Variants in MAGED1 observed in about 807,000 individuals in gnomAD.
The protein encoded by MAGED1 is MAGE family member D1.
A neutral mutation model predicts 54.1 loss-of-function variants in MAGED1; 3 were observed. The observed-to-expected ratio is 0.06, with a 90% CI of 0.03 to 0.14. MAGED1 has a LOEUF of 0.14. Ranked by LOEUF, MAGED1 falls within the 10% of genes least tolerant of loss-of-function variation. The pLI is 1.00. For synonymous variants in MAGED1, 217 were observed against 227.3 expected (o/e 0.95, Z 0.41); for missense variants, 485 against 623.4 (o/e 0.78, Z 2.36).
intron 1 of MAGED1, among the ~76,000 whole-genome samples, chrX:51,862,447 T>C (rs975064434): frequency 2.7e-5 from 3 of 111,671 alleles, no homozygotes; most frequent in African/African-American, 9.7e-5. Context: ...AGTACTTTAG[T>C]GCCCTATCCA....
intron 1 of MAGED1, among the ~76,000 whole-genome samples, chrX:51,871,886 C>T (rs1275990697): frequency 9.0e-6 from 1 of 111,720 alleles, no homozygotes; most frequent in Non-Finnish European, 1.9e-5. Context: ...TTTCCAGTGC[C>T]ACCAACAGTG....
At chrX:51,820,172 T>C (rs1416298372) in intron 1 of MAGED1, among the ~76,000 whole-genome samples, 3 of 112,042 alleles carry the variant, frequency 2.7e-5, no homozygotes, top group Non-Finnish European at 5.6e-5. Flanking sequence ...TCTTAGTAAC[T>C]GAAGCCTTGT....
intron 1 of MAGED1, among the ~76,000 whole-genome samples, chrX:51,877,597 A>C (rs1389402206): frequency 9.0e-6 from 1 of 111,701 alleles, no homozygotes; most frequent in Non-Finnish European, 1.9e-5. Context: ...TAATCTAGTG[A>C]ACAAAAATAA....
intron 1 of MAGED1, among the ~76,000 whole-genome samples, chrX:51,813,185 G>C: frequency 9.2e-6 from 1 of 108,541 alleles, no homozygotes; most frequent in Non-Finnish European, 1.9e-5. Context: ...CACCATGCCT[G>C]GCTAATTTTG....
intron 1 of MAGED1, among the ~76,000 whole-genome samples, chrX:51,839,612 A>C (rs1436884130): frequency 8.9e-6 from 1 of 112,116 alleles, no homozygotes; most frequent in Admixed American, 9.5e-5. Context: ...TTTTTCTATA[A>C]TCTTAATAAA....
chrX:51,885,504 G>A (rs782642126), intron 1 of MAGED1, among the ~76,000 whole-genome samples: 1 of 111,311 alleles, frequency 9.0e-6, no homozygotes, highest in East Asian at 2.8e-4. Flanking sequence ...CTTGTCAGTT[G>A]AATAGTTTGC....
chrX:51,894,618 T>C, intron 2 of MAGED1: 1 of 1,190,053 alleles, frequency 8.4e-7, no homozygotes, highest in Admixed American at 2.4e-5. Flanking sequence ...CATTTTTTTT[T>C]TTTTCCAGAA....
intron 1 of MAGED1, among the ~76,000 whole-genome samples, chrX:51,869,732 G>A (rs1479247004): frequency 9.1e-6 from 1 of 110,437 alleles, no homozygotes; most frequent in African/African-American, 3.3e-5. Context: ...TTAGACCGGT[G>A]TGGTGGCGGG....
At chrX:51,822,927 T>C (rs782438966) in intron 1 of MAGED1, among the ~76,000 whole-genome samples, 7 of 110,333 alleles carry the variant, frequency 6.3e-5, no homozygotes, top group Non-Finnish European at 1.3e-4. Context: ...CTTTGGCTTA[T>C]TTAGAGGTGT....
At chrX:51,824,485 G>A (rs1384710884) in intron 1 of MAGED1, among the ~76,000 whole-genome samples, 4 of 110,132 alleles carry the variant, frequency 3.6e-5, no homozygotes, top group African/African-American at 1.3e-4. Flanking sequence ...TTATTATGAT[G>A]TGCCTATGTG....
intron 2 of MAGED1, 86 bp downstream of exon 2, chrX:51,894,435 A>G: frequency 1.0e-6 from 1 of 963,168 alleles, no homozygotes; most frequent in African/African-American, 1.9e-5. Flanking sequence ...AAACGCCGGG[A>G]TCCGGTTTGA....
At chrX:51,830,805 A>G (rs1457067556) in intron 1 of MAGED1, among the ~76,000 whole-genome samples, 2 of 111,910 alleles carry the variant, frequency 1.8e-5, no homozygotes, top group Admixed American at 9.5e-5. Context: ...TGTATTTCTT[A>G]ACTGATACAG....
chrX:51,900,958 A>G (rs782762427), intron 11 of MAGED1, among the ~76,000 whole-genome samples: 6 of 112,461 alleles, frequency 5.3e-5, no homozygotes, highest in Non-Finnish European at 9.4e-5. Flanking sequence ...TAACTGACTA[A>G]TAAAAAATAT....
At chrX:51,819,113 G>T (rs1229664567) in intron 1 of MAGED1, among the ~76,000 whole-genome samples, 1 of 111,288 alleles carries the variant, frequency 9.0e-6, no homozygotes, top group Non-Finnish European at 1.9e-5. Context: ...CAAACATCAG[G>T]GGTGAATTGT....
At chrX:51,821,310 A>G (rs1018531295) in intron 1 of MAGED1, among the ~76,000 whole-genome samples, 22 of 111,318 alleles carry the variant, frequency 2.0e-4, no homozygotes, top group African/African-American at 6.9e-4. Context: ...TCTTCAGTAC[A>G]TTGTTGAAGT....
In MAGED1 at chrX:51,901,871, A is replaced by G. The variant is rs782757319; in HGVS notation, c.2278A>G (p.Thr760Ala). 1 of 1,208,735 alleles carries G rather than the reference A, an allele frequency of 8.3e-7. No individual in the cohort carries two copies. The highest frequency in any genetic ancestry group is 1.8e-5 in the African/African-American group (1 of 56,982). ...FAGPIIGPGG[T>A]ASANFAANFG... ...CGGTCCCATTATTGGTCCTGGTGGT[A>G]CAGCCAGTGCCAACTTCGCTGCCAA... The change falls in exon 12 of 13, where the codon ACA becomes GCA. Residue 760 changes from threonine to alanine, a missense_variant. Physicochemically the swap from Thr to Ala is moderately conservative, Grantham distance 58. Transcript: ENST00000326587.
chrX:51,890,939 T>A (rs1203566065), upstream of MAGED1, among the ~76,000 whole-genome samples: 4 of 110,619 alleles, frequency 3.6e-5, no homozygotes, highest in Admixed American at 3.9e-4. Flanking sequence ...AGTATAAGAA[T>A]ACATGTACAA....
intron 1 of MAGED1, among the ~76,000 whole-genome samples, chrX:51,822,857 G>GTT (rs1557356669): frequency 9.0e-6 from 1 of 111,456 alleles, no homozygotes; most frequent in Non-Finnish European, 1.9e-5. Flanking sequence ...GGTAGGTTGT[G>GTT]TTTAAGTTTT....
chrX:51,830,392 TGTTTA>T (rs1926017108), intron 1 of MAGED1, among the ~76,000 whole-genome samples: 1 of 110,958 alleles, frequency 9.0e-6, no homozygotes, highest in Non-Finnish European at 1.9e-5. Context: ...TTATCTAGAA[TGTTTA>T]GTTTATTTCA....
Sources: gnomAD v4.1 joint callset for allele counts (sites outside exome capture counted in the v4.1 genomes callset) on GRCh38, gnomAD v4.1.1 for gene constraint, MANE v1.5 for transcripts, NCBI Gene and HGNC (gene_info 2026-07-23, HGNC 2026-07-21) for gene names.